Variants in TRMT61B observed in about 807,000 individuals in gnomAD.
The protein encoded by TRMT61B is tRNA methyltransferase 61B.
In TRMT61B, 56 loss-of-function variants were observed where a neutral mutation model predicts 52.0. That is an observed-to-expected ratio of 1.08 (90% CI 0.87 to 1.35). The LOEUF is 1.35. TRMT61B is among the 40% of genes most tolerant of loss of function. TRMT61B has a pLI of 0.00. For synonymous variants in TRMT61B, 206 were observed against 220.0 expected, an observed-to-expected ratio of 0.94 and a Z score of 0.56; for missense variants, 650 against 577.9, an observed-to-expected ratio of 1.12 and a Z score of -1.28.
At chr2:28,866,206 G>A (rs1669839418) in intron 1 of TRMT61B, among the ~76,000 whole-genome samples, 1 of 151,716 alleles carries the variant, frequency 6.6e-6, no homozygotes, top group African/African-American at 2.4e-5. Flanking sequence ...GGCCAGGCTG[G>A]TCTCAAACTC....
intron 3 of TRMT61B, among the ~76,000 whole-genome samples, chr2:28,855,039 C>A (rs1488548560): frequency 6.6e-6 from 1 of 152,094 alleles, no homozygotes; most frequent in Non-Finnish European, 1.5e-5. Flanking sequence ...TTAAGTTTAA[C>A]CCATGAAAAT....
chr2:28,863,354 T>C (rs1325117994), intron 2 of TRMT61B, among the ~76,000 whole-genome samples: 1 of 150,524 alleles, frequency 6.6e-6, no homozygotes, highest in East Asian at 2.0e-4. Context: ...TCACTTGAGT[T>C]CCGAGGGTCA....
intron 4 of TRMT61B, among the ~76,000 whole-genome samples, chr2:28,852,207 G>A (rs1016962210): frequency 6.6e-6 from 1 of 151,100 alleles, no homozygotes; most frequent in Non-Finnish European, 1.5e-5. Context: ...CAGCTACTTG[G>A]GAGGCTGAGG....
At position 28,869,934 on chromosome 2, in the gene TRMT61B, G is replaced by A; in HGVS notation, c.344C>T (p.Thr115Ile). The change falls in exon 1 of 7, where the codon ACA becomes ATA. Residue 115 changes from threonine to isoleucine, a missense_variant. Physicochemically the swap from Thr to Ile is moderately conservative, Grantham distance 89. Coordinates refer to ENST00000306108, the MANE Select transcript of TRMT61B (RefSeq NM_017910.4). ...SSGDQGRCGP[T>I]HQGSEDPSML... ...CGAAGGATCCTCGGATCCCTGGTGT[G>A]TGGGACCGCACCGGCCCTGGTCTCC... 6.2e-7 allele frequency: 1 copy of A among 1,613,886 alleles called. No homozygotes were observed. The highest frequency in any genetic ancestry group is 8.5e-7 in the Non-Finnish European group (1 of 1,180,000).
chr2:28,861,278 T>A lies in TRMT61B; in HGVS notation c.833A>T (p.Glu278Val). The A allele has an allele frequency of 6.2e-7, 1 of 1,603,394 alleles. No homozygotes were observed. Among genetic ancestry groups the A allele is most frequent in the Non-Finnish European group, 8.5e-7 (1 of 1,177,044 alleles). ...VGSQGRVISF[E>V]VRKDHHDLAK... is the part of the protein sequence containing the mutation. ...CAGATCATGGTGGTCTTTTCGTACC[T>A]CAAAACTTATGACTCGTCCTTGTGA... Residue 278 changes from glutamate to valine, a missense_variant, in exon 3 of 7, where the codon GAG becomes GTG. Coordinates refer to ENST00000306108, the MANE Select transcript of TRMT61B (RefSeq NM_017910.4).
Position 28,870,145 on chromosome 2 carries a change from T to C in TRMT61B, c.133A>G (p.Arg45Gly), listed in dbSNP as rs751215656. The C allele has an allele frequency of 1.4e-5, 22 of 1,613,922 alleles. No homozygotes were observed. The highest frequency in any genetic ancestry group is 1.4e-5 in the Non-Finnish European group (17 of 1,180,032). The change falls in exon 1 of 7, where the codon AGA (arginine) becomes GGA (glycine). Residue 45 changes from arginine to glycine, a missense_variant. By Grantham distance (125) the Arg-to-Gly change is moderately radical. Coordinates refer to ENST00000306108, the MANE Select transcript of TRMT61B (RefSeq NM_017910.4). The stretch of plus-strand genomic sequence containing the variant: ...TCTCTTTCTCCATCTCGCAGGTCTC[T>C]AGGCGAGGACCTGCAACACAGTGAC... ...ARSLCCRSSP[R>G]DLRDGEREHE...
intron 1 of TRMT61B, 94 bp downstream of exon 1, chr2:28,869,485 C>G: frequency 1.2e-6 from 1 of 846,400 alleles, no homozygotes; most frequent in East Asian, 2.5e-5. Context: ...TCCAAACGTT[C>G]TGAGATGTCT....
chr2:28,864,723 A>G (rs1322659528), intron 2 of TRMT61B, among the ~76,000 whole-genome samples: 1 of 152,196 alleles, frequency 6.6e-6, no homozygotes, highest in Non-Finnish European at 1.5e-5. Context: ...TGATCTGCAC[A>G]CTTTTCTGTA....
rs115018785 is a variant in TRMT61B, at chr2:28,850,554, T to C, written c.1313-149A>G. 2,393 of 587,020 alleles carry C rather than the reference T, an allele frequency of 4.1e-3. 13 individuals are homozygous for C. The highest frequency in any genetic ancestry group is 4.0e-3 in the Non-Finnish European group (1,325 of 332,392). 36.4% of individuals were successfully genotyped at this position (587,020 alleles called of 1,614,324 possible). A position where few individuals can be genotyped will look rare whatever the true frequency, so the allele number is the denominator to read the frequency against. Reference sequence around the variant, plus strand: ...TGTTTTAGAGCTACTCTGCCAGTTATTATACAGAAACTATTTGTCAATGAT... The same window carrying C: ...TGTTTTAGAGCTACTCTGCCAGTTACTATACAGAAACTATTTGTCAATGAT... On this transcript the variant is annotated intron_variant, in intron 5 of 6. Coordinates refer to ENST00000306108, the MANE Select transcript of TRMT61B (RefSeq NM_017910.4).
intron 3 of TRMT61B, among the ~76,000 whole-genome samples, chr2:28,858,289 C>T (rs1669434894): frequency 6.6e-6 from 1 of 152,098 alleles, no homozygotes; most frequent in South Asian, 2.1e-4. Flanking sequence ...ATCTGCCCGC[C>T]TCGGCCTCCC....
intron 1 of TRMT61B, among the ~76,000 whole-genome samples, chr2:28,869,153 A>G (rs1260424039): frequency 6.6e-6 from 1 of 152,232 alleles, no homozygotes; most frequent in Non-Finnish European, 1.5e-5. Flanking sequence ...TATTGTTAAT[A>G]TACTCTTGTA....
chr2:28,851,869 ACT>A (rs1320879505), intron 4 of TRMT61B, among the ~76,000 whole-genome samples: 1 of 126,610 alleles, frequency 7.9e-6, no homozygotes, highest in Non-Finnish European at 1.6e-5. Context: ...ACAAAGCGAG[ACT>A]CTGTCTCAAA....
At chr2:28,858,808 A>G (rs1198950648) in intron 3 of TRMT61B, among the ~76,000 whole-genome samples, 3 of 151,208 alleles carry the variant, frequency 2.0e-5, no homozygotes, top group South Asian at 2.1e-4. Context: ...AAAAAAAAAA[A>G]AAAAAAAAAA....
rs575139566 is a variant in TRMT61B at position 28,850,956 on chromosome 2, T to C, written c.1312+116A>G. Reference sequence around the variant, plus strand: ...GCCTTATACATCTTAACAGAATAAATATCACACTTTTCTATAGAAAATTGC... The same window carrying C: ...GCCTTATACATCTTAACAGAATAAACATCACACTTTTCTATAGAAAATTGC... On this transcript the variant is annotated intron_variant, in intron 5 of 6. Transcript: ENST00000306108. 1,001 of 662,766 alleles carry C rather than the reference T, an allele frequency of 1.5e-3. 3 individuals are homozygous for C. Among genetic ancestry groups the C allele is most frequent in the Middle Eastern group, 8.1e-3 (28 of 3,452 alleles). 41.1% of individuals were successfully genotyped at this position (662,766 alleles called of 1,614,324 possible).
chr2:28,867,157 A>G (rs1250632597), intron 1 of TRMT61B, among the ~76,000 whole-genome samples: 1 of 151,024 alleles, frequency 6.6e-6, no homozygotes, highest in Non-Finnish European at 1.5e-5. Flanking sequence ...GTGCAGTGGC[A>G]AGATCATGGC....
intron 3 of TRMT61B, among the ~76,000 whole-genome samples, chr2:28,858,976 C>CA (rs1008742081): frequency 9.3e-5 from 14 of 150,192 alleles, no homozygotes; most frequent in African/African-American, 2.7e-4. Context: ...CTCACTGGAA[C>CA]CTCCGCCTCC....
intron 1 of TRMT61B, among the ~76,000 whole-genome samples, chr2:28,867,238 A>G (rs190305461): frequency 3.4e-4 from 52 of 152,096 alleles, no homozygotes; most frequent in African/African-American, 1.2e-3. Context: ...TGGGACCACA[A>G]GTGTGTGCCA....
intron 1 of TRMT61B, 57 bp from the exon 2 acceptor site, chr2:28,865,176 T>C: frequency 2.1e-6 from 2 of 950,696 alleles, no homozygotes; most frequent in Non-Finnish European, 3.3e-6. Flanking sequence ...ACTAAGCACC[T>C]AGTCTTATCT....
rs746883183 is a variant in TRMT61B at position 28,869,672 on chromosome 2, C to T, written c.606G>A (p.Arg202=). Residue 202 remains arginine (R), a synonymous_variant, in exon 1 of 7, where the codon AGG becomes AGA. Transcript: ENST00000306108. ...GCATGTACTGCTTACCGAAGGAACT[C>T]CTCAGTATCTGGCCGGGGAACTTCC... The part of the protein sequence containing the change: ...IVGKFPGQIL[R]SSFGKQYMLR... The T allele has an allele frequency of 3.1e-6, 5 of 1,614,186 alleles. No individual in the cohort carries two copies. The African/African-American group carries it at 4.0e-5, about 13-fold the overall frequency.
Sources: gnomAD v4.1 joint callset for allele counts (sites outside exome capture counted in the v4.1 genomes callset) on GRCh38, gnomAD v4.1.1 for gene constraint, MANE v1.5 for transcripts, NCBI Gene and HGNC (gene_info 2026-07-23, HGNC 2026-07-21) for gene names.